SEMA3C: variants seen among roughly 807,000 people sequenced by gnomAD.
SEMA3C encodes semaphorin-3C.
Under a neutral mutation model 89.4 loss-of-function variants are expected in SEMA3C, and 47 were observed. The observed-to-expected ratio is 0.53, with a 90% CI of 0.42 to 0.67. The LOEUF is 0.67. Ranked by LOEUF, SEMA3C falls within the 30% of genes least tolerant of loss-of-function variation. The pLI is 0.00. For missense variants in SEMA3C, 839 were observed against 929.1 expected (o/e 0.90, Z 1.26); for synonymous variants, 310 against 320.2 (o/e 0.97, Z 0.34).
rs1236012608 is a variant in SEMA3C, at chr7:80,749,977, T to C, written c.1712-949A>G. Among the ~76,000 whole-genome samples the C allele has an allele frequency of 2.6e-5, 4 of 152,218 alleles. No individual in the cohort carries two copies. In the South Asian group the frequency reaches 6.2e-4, roughly 24 times the overall value. ...TTTTATAAAATAGCAAATGGAGAAATGGTAACTTGAATTTATTCCCTCAAC... is the reference window on the plus strand; with the variant it reads ...TTTTATAAAATAGCAAATGGAGAAACGGTAACTTGAATTTATTCCCTCAAC... On this transcript the variant is annotated intron_variant, in intron 16 of 17. Transcript: ENST00000265361.
chr7:80,908,610 A>G (rs943552059), intron 2 of SEMA3C, among the ~76,000 whole-genome samples: 1 of 152,152 alleles, frequency 6.6e-6, no homozygotes, highest in Non-Finnish European at 1.5e-5. Context: ...GATGCTTTAC[A>G]TATTATGTGC....
At chr7:80,799,805 G>A (rs900359087) in intron 10 of SEMA3C, among the ~76,000 whole-genome samples, 1 of 150,964 alleles carries the variant, frequency 6.6e-6, no homozygotes, top group Non-Finnish European at 1.5e-5. Context: ...AGTGAGCTGA[G>A]ATCATGCCAT....
intron 12 of SEMA3C, among the ~76,000 whole-genome samples, chr7:80,769,863 C>CT (rs1788389083): frequency 1.1e-5 from 1 of 91,388 alleles, no homozygotes; most frequent in Non-Finnish European, 2.0e-5. Flanking sequence ...TGTCCCCCCC[C>CT]CAAAAAAAAA....
intron 1 of SEMA3C, among the ~76,000 whole-genome samples, chr7:80,917,212 CA>C (rs1199108721): frequency 5.9e-5 from 9 of 152,294 alleles, no homozygotes; most frequent in Admixed American, 4.6e-4. Context: ...TCTTTCCCCC[CA>C]CTAACGTAAC....
chr7:80,824,012 T>C (rs1275492322), intron 4 of SEMA3C, among the ~76,000 whole-genome samples: 5 of 152,122 alleles, frequency 3.3e-5, no homozygotes, highest in African/African-American at 1.2e-4. Context: ...CGTTAGTTTA[T>C]TACAGAATTA....
chr7:80,752,995 A>G (rs1372979950), intron 15 of SEMA3C, among the ~76,000 whole-genome samples: 11 of 152,216 alleles, frequency 7.2e-5, no homozygotes, highest in Admixed American at 5.9e-4. Flanking sequence ...TAAACTTACA[A>G]AGAAAAATTA....
chr7:80,859,894 C>T (rs1361986771), intron 2 of SEMA3C, among the ~76,000 whole-genome samples: 1 of 151,892 alleles, frequency 6.6e-6, no homozygotes, highest in Admixed American at 6.6e-5. Flanking sequence ...TTTAGGAGTC[C>T]CTTTGTAAGT....
chr7:80,869,293 A>G (rs1475580656), intron 2 of SEMA3C, among the ~76,000 whole-genome samples: 3 of 152,212 alleles, frequency 2.0e-5, no homozygotes, highest in Non-Finnish European at 2.9e-5. Context: ...CGTGTTTGTT[A>G]GCAGCAAGGA....
chr7:80,895,120 A>T (rs1335220168), intron 2 of SEMA3C, among the ~76,000 whole-genome samples: 1 of 152,216 alleles, frequency 6.6e-6, no homozygotes, highest in Non-Finnish European at 1.5e-5. Flanking sequence ...ATGTACACAC[A>T]AACTCCATAA....
intron 2 of SEMA3C, among the ~76,000 whole-genome samples, chr7:80,896,718 T>G (rs993615675): frequency 3.3e-5 from 5 of 152,158 alleles, no homozygotes; most frequent in African/African-American, 4.8e-5. Context: ...AATTGTCTGT[T>G]GGGCCCTATT....
At chr7:80,836,258 T>A (rs1014120870) in intron 2 of SEMA3C, among the ~76,000 whole-genome samples, 17 of 152,204 alleles carry the variant, frequency 1.1e-4, no homozygotes, top group Non-Finnish European at 2.1e-4. Context: ...CACAGCTTCA[T>A]GTAGAAGACA....
intron 6 of SEMA3C, among the ~76,000 whole-genome samples, chr7:80,806,378 T>C (rs979392177): frequency 6.6e-6 from 1 of 152,166 alleles, no homozygotes; most frequent in Non-Finnish European, 1.5e-5. Flanking sequence ...GGCCACATTA[T>C]AACTGTCAAA....
At chr7:80,838,765 C>A (rs974398672) in intron 2 of SEMA3C, among the ~76,000 whole-genome samples, 2 of 152,054 alleles carry the variant, frequency 1.3e-5, no homozygotes, top group African/African-American at 4.8e-5. Context: ...CAAGAAAGTG[C>A]AACACTTAAA....
intron 17 of SEMA3C, among the ~76,000 whole-genome samples, 168 bp downstream of exon 17, chr7:80,748,729 CA>C: frequency 6.6e-6 from 1 of 152,248 alleles, no homozygotes; most frequent in African/African-American, 2.4e-5. Context: ...ATTAATCCAT[CA>C]ATTCTTAAGG....
upstream of SEMA3C, chr7:80,919,269 T>A: frequency 1.0e-6 from 1 of 985,188 alleles, no homozygotes; most frequent in Non-Finnish European, 1.2e-6. Context: ...GGCCGACCCT[T>A]AGAGCTCGCG....
intron 2 of SEMA3C, among the ~76,000 whole-genome samples, chr7:80,845,835 G>A (rs1790376279): frequency 6.6e-6 from 1 of 152,098 alleles, no homozygotes; most frequent in East Asian, 1.9e-4. Context: ...CATCAGCTTC[G>A]TGCTTCTATC....
chr7:80,793,293 G>A (rs1481716527), intron 11 of SEMA3C: 12 of 230,294 alleles, frequency 5.2e-5, no homozygotes, highest in Non-Finnish European at 9.5e-5. Flanking sequence ...CCTATACTCA[G>A]GTATTCATAA....
chr7:80,750,142 T>C (rs900635421), intron 16 of SEMA3C, among the ~76,000 whole-genome samples: 1 of 151,990 alleles, frequency 6.6e-6, no homozygotes, highest in African/African-American at 2.4e-5. Context: ...CTGTTAATTT[T>C]TGAAACAGCA....
intron 17 of SEMA3C, among the ~76,000 whole-genome samples, chr7:80,748,580 T>G (rs978497696): frequency 1.3e-5 from 2 of 152,202 alleles, no homozygotes; most frequent in Non-Finnish European, 2.9e-5. Flanking sequence ...GGTGCCGTTG[T>G]GTGAAAACTT....
Sources: allele counts gnomAD v4.1 joint callset (sites outside exome capture counted in the v4.1 genomes callset), GRCh38; gene constraint gnomAD v4.1.1; transcripts MANE v1.5; gene names NCBI Gene and HGNC (gene_info 2026-07-23, HGNC 2026-07-21).